The following ARHGAP42 variants were observed in gnomAD, a reference collection of about 807,000 sequenced individuals.
The protein encoded by ARHGAP42 is rho GTPase-activating protein 42.
In ARHGAP42, 63 loss-of-function variants were observed where a neutral mutation model predicts 125.0. The ratio of observed to expected loss-of-function variants is 0.50; its 90% confidence interval spans 0.41 to 0.62. ARHGAP42 has a LOEUF of 0.62. Ranked by LOEUF, ARHGAP42 falls within the 20% of genes least tolerant of loss-of-function variation. The pLI, the probability that ARHGAP42 is intolerant of heterozygous loss-of-function variation, is 0.00. For missense variants in ARHGAP42, 766 were observed against 1,024.2 expected (o/e 0.75, Z 3.44); for synonymous variants, 339 against 351.0 (o/e 0.97, Z 0.38).
chr11:100,729,256 A>C (rs757441812), intron 1 of ARHGAP42, among the ~76,000 whole-genome samples: 8 of 152,148 alleles, frequency 5.3e-5, no homozygotes, highest in Non-Finnish European at 7.3e-5. Flanking sequence ...TATGATAAAC[A>C]TACTGAGTAG....
intron 6 of ARHGAP42, among the ~76,000 whole-genome samples, chr11:100,932,828 AG>A (rs1867623662): frequency 6.6e-6 from 1 of 152,136 alleles, no homozygotes. Context: ...AAGTTCTTCC[AG>A]GGTGGGATCT....
chr11:100,970,135 C>T (rs990425144), intron 17 of ARHGAP42, among the ~76,000 whole-genome samples: 3 of 151,924 alleles, frequency 2.0e-5, no homozygotes, highest in Non-Finnish European at 4.4e-5. Flanking sequence ...ATTACAGGCA[C>T]TCACCACCAC....
chr11:100,739,951 A>C (rs1862148776), intron 1 of ARHGAP42, among the ~76,000 whole-genome samples: 2 of 152,196 alleles, frequency 1.3e-5, no homozygotes, highest in Non-Finnish European at 2.9e-5. Flanking sequence ...TTTACCTAGA[A>C]CGGTGACTAT....
intron 17 of ARHGAP42, among the ~76,000 whole-genome samples, chr11:100,971,364 A>T (rs1007794003): frequency 1.4e-4 from 22 of 152,130 alleles, no homozygotes; most frequent in African/African-American, 5.3e-4. Context: ...CCTAGATTTG[A>T]AACAATACAA....
chr11:100,964,393 C>T (rs1380056247), intron 16 of ARHGAP42, among the ~76,000 whole-genome samples: 1 of 152,182 alleles, frequency 6.6e-6, no homozygotes, highest in African/African-American at 2.4e-5. Context: ...CCTGATTTTA[C>T]ATTATCTGCC....
At chr11:100,959,469 C>A (rs1362788445) in intron 12 of ARHGAP42, among the ~76,000 whole-genome samples, 7 of 152,042 alleles carry the variant, frequency 4.6e-5, no homozygotes, top group African/African-American at 9.7e-5. Context: ...CTTAAGACTG[C>A]AGAGCCTTTT....
At chr11:100,800,684 G>C (rs750348146) in intron 3 of ARHGAP42, among the ~76,000 whole-genome samples, 9 of 152,132 alleles carry the variant, frequency 5.9e-5, no homozygotes, top group Non-Finnish European at 1.2e-4. Flanking sequence ...TTGGGGCAGG[G>C]AAGAAATTCT....
At chr11:100,697,251 C>T (rs1217761750) in intron 1 of ARHGAP42, among the ~76,000 whole-genome samples, 1 of 151,874 alleles carries the variant, frequency 6.6e-6, no homozygotes, top group Admixed American at 6.6e-5. Context: ...GGCGCCATCT[C>T]GGCTCACTGC....
intron 3 of ARHGAP42, among the ~76,000 whole-genome samples, chr11:100,806,512 T>C (rs1420055218): frequency 3.3e-5 from 5 of 152,172 alleles, no homozygotes; most frequent in Non-Finnish European, 7.4e-5. Context: ...TTCTGGTATG[T>C]CTTAGGTTAA....
intron 1 of ARHGAP42, among the ~76,000 whole-genome samples, chr11:100,692,899 T>A (rs1861215086): frequency 6.6e-6 from 1 of 152,260 alleles, no homozygotes; most frequent in African/African-American, 2.4e-5. Flanking sequence ...TCATTTTCTG[T>A]GTTTCACTAA....
chr11:100,814,361 C>CAAAAAA (rs11351569), intron 3 of ARHGAP42, among the ~76,000 whole-genome samples: 2 of 109,856 alleles, frequency 1.8e-5, no homozygotes, highest in Non-Finnish European at 3.8e-5. Flanking sequence ...GACTCCGTCT[C>CAAAAAA]AAAAAAAAAA....
At chr11:100,728,790 A>T (rs968022025) in intron 1 of ARHGAP42, among the ~76,000 whole-genome samples, 1 of 140,602 alleles carries the variant, frequency 7.1e-6, no homozygotes, top group African/African-American at 2.7e-5. Flanking sequence ...TTTTTTTGAG[A>T]TGGAGTCTCA....
intron 3 of ARHGAP42, among the ~76,000 whole-genome samples, chr11:100,835,636 A>G (rs1469301213): frequency 6.6e-6 from 1 of 152,126 alleles, no homozygotes; most frequent in East Asian, 1.9e-4. Context: ...TTATATCTTA[A>G]GAGGCAATAT....
chr11:100,832,911 A>G (rs1037355918), intron 3 of ARHGAP42, among the ~76,000 whole-genome samples: 1 of 152,236 alleles, frequency 6.6e-6, no homozygotes, highest in Non-Finnish European at 1.5e-5. Context: ...TTGAATGGGT[A>G]TGCTGAACAG....
intron 1 of ARHGAP42, among the ~76,000 whole-genome samples, chr11:100,725,696 G>T (rs111502298): frequency 0.026 from 3,885 of 151,884 alleles, 65 homozygotes; most frequent in Non-Finnish European, 0.031. Flanking sequence ...GCAGCACTTT[G>T]GGAGGCCGAT....
At position 100,841,894 on chromosome 11, in the gene ARHGAP42, T is replaced by C. The variant is rs549598711; in HGVS notation, c.313-17660T>C. Among the ~76,000 whole-genome samples the C allele has an allele frequency of 6.6e-5, 10 of 152,348 alleles. No individual in the cohort carries two copies. In the East Asian group the frequency reaches 1.5e-3, roughly 23 times the overall value. On this transcript the variant is annotated intron_variant, in intron 3 of 23. Coordinates refer to ENST00000298815, the MANE Select transcript of ARHGAP42 (RefSeq NM_152432.4). ...TGCCACATCATCTTGTTTTGTTTTCTTTGTGGCTCCTGTCATTATCTGATA... is the reference window on the plus strand; with the variant it reads ...TGCCACATCATCTTGTTTTGTTTTCCTTGTGGCTCCTGTCATTATCTGATA...
chr11:100,752,292 TA>T (rs1409741718), intron 1 of ARHGAP42, among the ~76,000 whole-genome samples: 1 of 152,222 alleles, frequency 6.6e-6, no homozygotes, highest in East Asian at 1.9e-4. Flanking sequence ...GGATGAGGGG[TA>T]AAAGAAGTTC....
At chr11:100,765,296 C>T (rs1251751263) in intron 1 of ARHGAP42, among the ~76,000 whole-genome samples, 1 of 152,232 alleles carries the variant, frequency 6.6e-6, no homozygotes, top group Non-Finnish European at 1.5e-5. Flanking sequence ...CCCCTACACA[C>T]TCAATCCAAA....
At chr11:100,740,926 C>T (rs1862171407) in intron 1 of ARHGAP42, among the ~76,000 whole-genome samples, 1 of 152,104 alleles carries the variant, frequency 6.6e-6, no homozygotes. Flanking sequence ...GACATGTGGC[C>T]TTATTCTAGT....
Sources: allele counts gnomAD v4.1 joint callset (sites outside exome capture counted in the v4.1 genomes callset), GRCh38; gene constraint gnomAD v4.1.1; transcripts MANE v1.5; gene names NCBI Gene and HGNC (gene_info 2026-07-23, HGNC 2026-07-21).